The following KCNT1 variants were observed in gnomAD, a reference collection of about 807,000 sequenced individuals.
KCNT1 encodes potassium sodium-activated channel subfamily T member 1, also known as potassium channel subfamily T member 1.
KCNT1 carries 78 observed loss-of-function variants against 147.8 expected under a neutral mutation model. The ratio of observed to expected loss-of-function variants is 0.53; its 90% confidence interval spans 0.44 to 0.64. KCNT1 has a LOEUF of 0.64. Ranked by LOEUF, KCNT1 falls within the 30% of genes least tolerant of loss-of-function variation. KCNT1 has a pLI of 0.00. For synonymous variants in KCNT1, 867 were observed against 748.8 expected (o/e 1.16, Z -2.58); for missense variants, 1,419 against 1,750.3 (o/e 0.81, Z 3.38).
chr9:135,702,644 T>G (rs1835078422), intron 1 of KCNT1, among the ~76,000 whole-genome samples: 1 of 151,836 alleles, frequency 6.6e-6, no homozygotes, highest in Non-Finnish European at 1.5e-5. Flanking sequence ...TACATGGGGG[T>G]CCTGAGCATC....
At chr9:135,725,291 T>G (rs1308301107) in intron 2 of KCNT1, among the ~76,000 whole-genome samples, 2 of 152,222 alleles carry the variant, frequency 1.3e-5, no homozygotes, top group Non-Finnish European at 2.9e-5. Context: ...AACCCCAGAA[T>G]GTGGCTTATG....
At chr9:135,758,272 G>C in intron 9 of KCNT1, 142 bp from the exon 10 acceptor site, 1 of 658,724 alleles carries the variant, frequency 1.5e-6, no homozygotes, top group East Asian at 2.8e-5. Flanking sequence ...GGTGTGGCCA[G>C]GTACAGGCTG....
intron 25 of KCNT1, 60 bp downstream of exon 25, chr9:135,784,185 A>C: frequency 7.7e-7 from 1 of 1,293,148 alleles, no homozygotes. Flanking sequence ...TCATGCCCTC[A>C]GCTCTTCAGC....
rs770367654 is a variant in KCNT1 at position 135,756,937 on chromosome 9, G to A, written c.600+5G>A. ...CTCATCTACCTCAGCTACAAAGTGA[G>A]TGCCTGCCCGGGATGGCACCTCACA... is the stretch of plus-strand genomic sequence containing the variant. On this transcript the variant is annotated splice_donor_5th_base_variant and intron_variant, in intron 7 of 30. Transcript: ENST00000371757. 4 of 1,612,314 alleles carry A rather than the reference G, an allele frequency of 2.5e-6. No homozygotes were observed. In the Admixed American group the frequency reaches 5.0e-5, roughly 20 times the overall value.
chr9:135,768,070 G>A (rs1832413715), intron 13 of KCNT1, among the ~76,000 whole-genome samples: 1 of 149,928 alleles, frequency 6.7e-6, no homozygotes, highest in African/African-American at 2.4e-5. Context: ...TGTGGCTCCT[G>A]AACCCTGCCC....
intron 2 of KCNT1, among the ~76,000 whole-genome samples, chr9:135,734,479 C>T (rs948276026): frequency 5.3e-5 from 8 of 152,224 alleles, no homozygotes; most frequent in Non-Finnish European, 8.8e-5. Flanking sequence ...AAACTTCAGA[C>T]GTGGTACAGC....
In KCNT1 at chr9:135,756,982, A is replaced by AG. The variant is rs1831527630; in HGVS notation, c.600+50_600+51insG. On this transcript the variant is annotated intron_variant, in intron 7 of 30. Transcript: ENST00000371757. ...CTCACAGGGGGTCCCCACCCTCCCC[A>AG]CCCTCCCCAGCCTCCCCCACCTCCC... 7 of 978,902 alleles carry AG rather than the reference A, an allele frequency of 7.2e-6. No homozygotes were observed. The African/African-American group carries it at 1.2e-4, about 16-fold the overall frequency. 60.6% of individuals were successfully genotyped at this position (978,902 alleles called of 1,614,324 possible).
In KCNT1 at chr9:135,708,222, A is replaced by G. The variant is rs567094620; in HGVS notation, c.110+5854A>G. Among the ~76,000 whole-genome samples, 150 of 152,358 alleles carry G rather than the reference A, an allele frequency of 9.8e-4. 1 individual carries two copies. Among genetic ancestry groups the G allele is most frequent in the African/African-American group, 3.6e-3 (149 of 41,590 alleles). On this transcript the variant is annotated intron_variant, in intron 1 of 30. Transcript: ENST00000371757. Reference sequence around the variant, plus strand: ...GGCACATGCACACAGATCCATGTGCATGCACACATATGTCCACATGTGCAC... The same window carrying G: ...GGCACATGCACACAGATCCATGTGCGTGCACACATATGTCCACATGTGCAC...
intron 29 of KCNT1, chr9:135,789,760 G>A (rs1834358250): frequency 6.6e-6 from 1 of 152,178 alleles, no homozygotes; most frequent in Non-Finnish European, 1.5e-5. Flanking sequence ...GAGGAGTCAG[G>A]TAGCCCTGGG....
chr9:135,735,409 A>C (rs948762752), intron 2 of KCNT1, among the ~76,000 whole-genome samples: 1 of 152,144 alleles, frequency 6.6e-6, no homozygotes, highest in African/African-American at 2.4e-5. Flanking sequence ...AAGAAATGGA[A>C]GCCTGTGCTG....
In KCNT1 at chr9:135,788,071, G is replaced by A; in HGVS notation, c.3502+1550G>A. On this transcript the variant is annotated intron_variant, in intron 29 of 30. Coordinates refer to ENST00000371757, the MANE Select transcript of KCNT1 (RefSeq NM_020822.3). ...TGATATTCTCTCTCTCTCTCTTTCTGTCTGTGCCTCTTTCTGTGTGTTCTG... is the reference window on the plus strand; with the variant it reads ...TGATATTCTCTCTCTCTCTCTTTCTATCTGTGCCTCTTTCTGTGTGTTCTG... The A allele has an allele frequency of 6.5e-7, 1 of 1,543,552 alleles. No homozygotes were observed. The highest frequency in any genetic ancestry group is 9.0e-7 in the Non-Finnish European group (1 of 1,116,858).
chr9:135,770,282 C>CCGCCCT lies in KCNT1; in HGVS notation c.1620-15_1620-10dup, dbSNP rs766651541. ...GGCCGAGGGTGACGCTCCCCTGGCC[C>CCGCCCT]CGCCCTGGCCCACAGGGAGGGACAG... On this transcript the variant is annotated splice_polypyrimidine_tract_variant and intron_variant, in intron 16 of 30. Transcript: ENST00000371757. 2 of 1,577,454 alleles carry CCGCCCT rather than the reference C, an allele frequency of 1.3e-6. No individual in the cohort carries two copies. The highest frequency in any genetic ancestry group is 8.6e-7 in the Non-Finnish European group (1 of 1,159,884).
At chr9:135,768,114 C>T (rs1390784430) in intron 13 of KCNT1, among the ~76,000 whole-genome samples, 1 of 150,962 alleles carries the variant, frequency 6.6e-6, no homozygotes, top group Non-Finnish European at 1.5e-5. Flanking sequence ...GCTCGGGGGA[C>T]AGGTGTGGCT....
chr9:135,737,582 G>A (rs1421627592), intron 2 of KCNT1, among the ~76,000 whole-genome samples: 10 of 152,202 alleles, frequency 6.6e-5, no homozygotes, highest in South Asian at 4.1e-4. Context: ...CAGAAGAGCC[G>A]GGGACTCCTG....
At chr9:135,786,096 A>G in intron 28 of KCNT1, 101 bp from the exon 29 acceptor site, 1 of 1,081,728 alleles carries the variant, frequency 9.2e-7, no homozygotes, top group Non-Finnish European at 1.3e-6. Context: ...GCAGGCCCCA[A>G]GCTGCAGAGC....
intron 2 of KCNT1, among the ~76,000 whole-genome samples, chr9:135,734,662 G>A (rs1300000435): frequency 6.6e-6 from 1 of 152,194 alleles, no homozygotes; most frequent in Admixed American, 6.5e-5. Flanking sequence ...CGAAAAGCAG[G>A]AACGGAAAAA....
chr9:135,730,778 G>A lies in KCNT1; in HGVS notation c.254+16058G>A, dbSNP rs1836396599. Among the ~76,000 whole-genome samples, 2 of 152,028 alleles carry A rather than the reference G, an allele frequency of 1.3e-5. No individual in the cohort carries two copies. Among genetic ancestry groups the A allele is most frequent in the Non-Finnish European group, 2.9e-5 (2 of 67,996 alleles). ...AGGCAGGCAGATCTCTCGAGCTCAG[G>A]AGTTCCAGACCAGCCTGGGCAACAT... On this transcript the variant is annotated intron_variant, in intron 2 of 30. Coordinates refer to ENST00000371757, the MANE Select transcript of KCNT1 (RefSeq NM_020822.3). This position sits in a 1 kb window ranked among gnomAD's most constrained non-coding sequence, Gnocchi z 4.7.
At chr9:135,715,849 G>A (rs1211085543) in intron 2 of KCNT1, among the ~76,000 whole-genome samples, 1 of 152,218 alleles carries the variant, frequency 6.6e-6, no homozygotes, top group East Asian at 1.9e-4. Flanking sequence ...ATTTGGTTGT[G>A]TGAACCAAGA....
At chr9:135,765,976 G>A (rs533099408) in intron 13 of KCNT1, among the ~76,000 whole-genome samples, 3 of 152,168 alleles carry the variant, frequency 2.0e-5, no homozygotes, top group South Asian at 4.2e-4. Context: ...ACCATTCAGG[G>A]TGGACCTTCT....
Sources: allele counts gnomAD v4.1 joint callset (sites outside exome capture counted in the v4.1 genomes callset), GRCh38; gene constraint gnomAD v4.1.1; non-coding constraint Gnocchi (gnomAD v3.1); transcripts MANE v1.5; gene names NCBI Gene and HGNC (gene_info 2026-07-23, HGNC 2026-07-21).